The following CACNA2D3 variants were observed in gnomAD, a reference collection of about 807,000 sequenced individuals.
CACNA2D3 encodes the protein calcium voltage-gated channel auxiliary subunit alpha2delta 3.
CACNA2D3 carries 60 observed loss-of-function variants against 160.6 expected under a neutral mutation model. The ratio of observed to expected loss-of-function variants is 0.37; its 90% CI spans 0.30 to 0.46. CACNA2D3 has a LOEUF of 0.46. CACNA2D3 is among the 20% of genes least tolerant of loss of function. The probability of loss-of-function intolerance (pLI) is 1.00; values close to 1 mark genes in which losing one functional copy is unlikely to be tolerated. For synonymous variants in CACNA2D3, 558 were observed against 492.9 expected, an observed-to-expected ratio of 1.13 and a Z score of -1.75; for missense variants, 1,205 against 1,365.0, an observed-to-expected ratio of 0.88 and a Z score of 1.85.
chr3:54,286,753 A>G (rs1400992281), intron 2 of CACNA2D3, among the ~76,000 whole-genome samples: 1 of 152,216 alleles, frequency 6.6e-6, no homozygotes, highest in African/African-American at 2.4e-5. Context: ...ACAAGCCAGA[A>G]GAGAGTGGGG....
At chr3:54,577,746 G>A (rs1358572973) in intron 8 of CACNA2D3, among the ~76,000 whole-genome samples, 4 of 152,204 alleles carry the variant, frequency 2.6e-5, no homozygotes. Flanking sequence ...TGAAAGAGGT[G>A]CAGTTAGAAT....
intron 10 of CACNA2D3, among the ~76,000 whole-genome samples, chr3:54,630,931 G>A (rs1421962853): frequency 1.3e-5 from 2 of 152,158 alleles, no homozygotes; most frequent in Non-Finnish European, 2.9e-5. Flanking sequence ...GCCAGGCACG[G>A]TGGCTCACAC....
chr3:54,891,496 T>C (rs777050762), intron 25 of CACNA2D3, 46 bp downstream of exon 25: 2 of 1,369,930 alleles, frequency 1.5e-6, no homozygotes, highest in Non-Finnish European at 2.1e-6. Context: ...GCTTCTGAAA[T>C]GGAACATTCA....
At chr3:54,514,486 G>A (rs950984154) in intron 5 of CACNA2D3, among the ~76,000 whole-genome samples, 1 of 152,234 alleles carries the variant, frequency 6.6e-6, no homozygotes, top group Admixed American at 6.5e-5. Flanking sequence ...TAGCATGCCA[G>A]ACGCTGCATG....
chr3:54,626,455 GA>G (rs1418158930), intron 9 of CACNA2D3: 84 of 1,599,076 alleles, frequency 5.3e-5, no homozygotes, highest in Non-Finnish European at 7.0e-5. Context: ...GCACCTGCGT[GA>G]CGTGATCATC....
rs182069882 is a variant in CACNA2D3 at position 54,567,128 on chromosome 3, C to T, written c.677-2667C>T. On this transcript the variant is annotated intron_variant, in intron 6 of 37. Coordinates refer to ENST00000474759, the MANE Select transcript of CACNA2D3 (RefSeq NM_018398.3). ...TATCCTCATATTCATGGTGCGTAAT[C>T]TCTCAGGAGATTGGCAAGAGAGATG... 9.7e-4 allele frequency among the ~76,000 whole-genome samples: 148 copies of T among 152,282 alleles called. 1 individual carries two copies. In the South Asian group the frequency reaches 0.015, roughly 15 times the overall value.
At chr3:54,523,768 C>T (rs1035579363) in intron 5 of CACNA2D3, among the ~76,000 whole-genome samples, 6 of 151,974 alleles carry the variant, frequency 3.9e-5, no homozygotes, top group Admixed American at 3.9e-4. Flanking sequence ...TCCATTTCAT[C>T]TAAGTTATTT....
chr3:54,818,739 T>C (rs1187773373), intron 14 of CACNA2D3, among the ~76,000 whole-genome samples: 1 of 152,260 alleles, frequency 6.6e-6, no homozygotes, highest in Non-Finnish European at 1.5e-5. Flanking sequence ...ACTTGTTCTA[T>C]AGCCCTATGT....
At chr3:54,169,379 T>G (rs2107308271) in intron 2 of CACNA2D3, among the ~76,000 whole-genome samples, 1 of 152,112 alleles carries the variant, frequency 6.6e-6, no homozygotes, top group East Asian at 1.9e-4. Flanking sequence ...CTCCGGAGAT[T>G]GAAAATAAAG....
intron 4 of CACNA2D3, among the ~76,000 whole-genome samples, chr3:54,490,061 C>T (rs1701083691): frequency 1.3e-5 from 2 of 152,124 alleles, no homozygotes; most frequent in Admixed American, 6.5e-5. Flanking sequence ...TTGTTTGGCT[C>T]ATGTAGAACT....
At chr3:54,371,204 G>T (rs1256308427) in intron 3 of CACNA2D3, among the ~76,000 whole-genome samples, 4 of 152,052 alleles carry the variant, frequency 2.6e-5, no homozygotes, top group African/African-American at 9.7e-5. Flanking sequence ...TGTGGACATA[G>T]GTTCTCATTT....
intron 29 of CACNA2D3, among the ~76,000 whole-genome samples, chr3:54,972,851 T>C (rs928400264): frequency 6.6e-6 from 1 of 152,160 alleles, no homozygotes; most frequent in Non-Finnish European, 1.5e-5. Flanking sequence ...TTCCAAGCCA[T>C]TGAGGCAACA....
At position 54,474,522 on chromosome 3, in the gene CACNA2D3, A is replaced by G. The variant is rs140730518; in HGVS notation, c.382-28970A>G. On this transcript the variant is annotated intron_variant, in intron 4 of 37. Coordinates refer to ENST00000474759, the MANE Select transcript of CACNA2D3 (RefSeq NM_018398.3). ...TGTAACAAACCTTCATGTTCTGCAC[A>G]TGTATCCCAGAACTTAAAGTATAAT... Among the ~76,000 whole-genome samples, 63 of 152,304 alleles carry G rather than the reference A, an allele frequency of 4.1e-4. No homozygotes were observed. In the East Asian group the frequency reaches 6.4e-3, roughly 15 times the overall value.
intron 2 of CACNA2D3, among the ~76,000 whole-genome samples, chr3:54,174,496 G>C (rs1700627250): frequency 6.6e-6 from 1 of 152,136 alleles, no homozygotes; most frequent in Non-Finnish European, 1.5e-5. Context: ...TCCTGGTTTG[G>C]GGGTTATTAC....
intron 2 of CACNA2D3, among the ~76,000 whole-genome samples, chr3:54,129,033 A>G (rs1446503360): frequency 6.6e-6 from 1 of 152,200 alleles, no homozygotes; most frequent in Non-Finnish European, 1.5e-5. Context: ...TGGTCCATTA[A>G]ACAAAATTTT....
intron 3 of CACNA2D3, among the ~76,000 whole-genome samples, chr3:54,379,675 A>G (rs1559465501): frequency 6.6e-6 from 1 of 152,204 alleles, no homozygotes; most frequent in Non-Finnish European, 1.5e-5. Context: ...CTGTTTCCAG[A>G]ACATTTTCTT....
At chr3:54,523,453 C>A (rs753995783) in intron 5 of CACNA2D3, among the ~76,000 whole-genome samples, 2 of 151,982 alleles carry the variant, frequency 1.3e-5, no homozygotes, top group Non-Finnish European at 2.9e-5. Flanking sequence ...GTTAGTATGA[C>A]GTTTTTGCAG....
intron 5 of CACNA2D3, among the ~76,000 whole-genome samples, chr3:54,547,832 C>T (rs779286794): frequency 3.3e-5 from 5 of 151,860 alleles, no homozygotes; most frequent in Non-Finnish European, 5.9e-5. Flanking sequence ...CTACAGGGAT[C>T]CACCACTGCA....
chr3:54,888,143 G>T, intron 24 of CACNA2D3, 91 bp downstream of exon 24: 1 of 1,019,384 alleles, frequency 9.8e-7, no homozygotes, highest in Non-Finnish European at 1.5e-6. Flanking sequence ...ACTGTTTTAG[G>T]AACCTGGTGT....
Sources: allele counts gnomAD v4.1 joint callset (sites outside exome capture counted in the v4.1 genomes callset), GRCh38; gene constraint gnomAD v4.1.1; transcripts MANE v1.5; gene names NCBI Gene and HGNC (gene_info 2026-07-23, HGNC 2026-07-21).